The following ETFA variants were observed in gnomAD, a reference collection of about 807,000 sequenced individuals.
The protein encoded by ETFA is electron transfer flavoprotein subunit alpha.
ETFA carries 22 observed loss-of-function variants against 46.2 expected under a neutral mutation model. That is an observed-to-expected ratio of 0.48 (90% CI 0.34 to 0.68). ETFA has a LOEUF of 0.68. ETFA is among the 30% of genes least tolerant of loss of function. ETFA has a pLI of 0.01. For missense variants in ETFA, 345 were observed against 401.1 expected (o/e 0.86, Z 1.19); for synonymous variants, 131 against 139.9 (o/e 0.94, Z 0.45).
At chr15:76,239,969 C>A (rs1596194708) in intron 9 of ETFA, among the ~76,000 whole-genome samples, 1 of 152,108 alleles carries the variant, frequency 6.6e-6, no homozygotes, top group Non-Finnish European at 1.5e-5. Flanking sequence ...CTAATGCACA[C>A]CCACCACACA....
Position 76,275,100 on chromosome 15 carries a change from C to G in ETFA, c.734-606G>C, listed in dbSNP as rs548237018. Among the ~76,000 whole-genome samples, 113 of 152,196 alleles carry G rather than the reference C, an allele frequency of 7.4e-4. 1 individual carries two copies. The South Asian group carries it at 0.023, about 31-fold the overall frequency. Reference sequence around the variant, plus strand: ...CCTCACCACCACTATCTTGAGTCAGCCAGGACTAATCACACCCTGCCCTTC... The same window carrying G: ...CCTCACCACCACTATCTTGAGTCAGGCAGGACTAATCACACCCTGCCCTTC... On this transcript the variant is annotated intron_variant, in intron 8 of 11. Transcript: ENST00000557943.
At chr15:76,289,128 C>A (rs1313980188) in intron 4 of ETFA, among the ~76,000 whole-genome samples, 1 of 151,928 alleles carries the variant, frequency 6.6e-6, no homozygotes, top group Non-Finnish European at 1.5e-5. Context: ...GAAGCGGGGT[C>A]TTGCGTTGTT....
intron 8 of ETFA, among the ~76,000 whole-genome samples, chr15:76,279,653 T>C (rs2039628796): frequency 6.6e-6 from 1 of 152,134 alleles, no homozygotes. Context: ...TGGCCAACGA[T>C]GTCTAAGTGG....
At chr15:76,265,757 C>T (rs1329619890) in intron 9 of ETFA, among the ~76,000 whole-genome samples, 1 of 152,030 alleles carries the variant, frequency 6.6e-6, no homozygotes, top group Non-Finnish European at 1.5e-5. Flanking sequence ...TCCTATGGAT[C>T]AATATAGTGA....
chr15:76,253,862 G>A (rs919066966), intron 9 of ETFA, among the ~76,000 whole-genome samples: 2 of 152,334 alleles, frequency 1.3e-5, no homozygotes, highest in South Asian at 2.1e-4. Flanking sequence ...CACAAGTGAA[G>A]TAATGCATTC....
intron 9 of ETFA, chr15:76,259,743 C>T (rs748945511): frequency 3.2e-6 from 5 of 1,575,802 alleles, no homozygotes; most frequent in South Asian, 1.1e-5. Flanking sequence ...CAGTTCCGAG[C>T]GGCCAGGTCT....
intron 9 of ETFA, among the ~76,000 whole-genome samples, chr15:76,240,324 G>A (rs2039171989): frequency 2.6e-5 from 4 of 152,172 alleles, no homozygotes. Context: ...TGTAGTCAAA[G>A]ATTCTTTGAA....
chr15:76,279,054 G>A (rs1363573398), intron 8 of ETFA, among the ~76,000 whole-genome samples: 2 of 152,154 alleles, frequency 1.3e-5, no homozygotes, highest in Non-Finnish European at 2.9e-5. Context: ...AAGTCCCCCT[G>A]TTGGCCAGAC....
rs2039385884 is a variant in ETFA at position 76,259,816 on chromosome 15, G to T, written c.816+14596C>A. ...TGCAGGCAATGTCCACCATGAACCG[G>T]ATCAGGGTAAAGGGGTTCTCCCCAA... On this transcript the variant is annotated intron_variant, in intron 9 of 11. Transcript: ENST00000557943. The T allele has an allele frequency of 3.1e-6, 5 of 1,598,690 alleles. No homozygotes were observed. In the Admixed American group the frequency reaches 8.4e-5, roughly 27 times the overall value.
At chr15:76,292,848 T>C (rs916134717) in intron 2 of ETFA, 148 bp from the exon 3 acceptor site, 7 of 710,742 alleles carry the variant, frequency 9.8e-6, no homozygotes, top group African/African-American at 1.8e-5. Flanking sequence ...AGAATTAAAA[T>C]ATATTCCGGC....
intron 9 of ETFA, chr15:76,259,480 T>TG: frequency 1.2e-6 from 1 of 865,836 alleles, no homozygotes; most frequent in South Asian, 1.3e-5. Flanking sequence ...TTCCCGCCAA[T>TG]GAGGTAGTTG....
chr15:76,295,449 G>T, intron 2 of ETFA, 142 bp downstream of exon 2: 1 of 755,752 alleles, frequency 1.3e-6, no homozygotes, highest in Non-Finnish European at 2.4e-6. Flanking sequence ...TTTCACACAT[G>T]GTAATGGTTG....
intron 9 of ETFA, among the ~76,000 whole-genome samples, chr15:76,248,939 G>A (rs1389027265): frequency 6.6e-6 from 1 of 151,398 alleles, no homozygotes; most frequent in Non-Finnish European, 1.5e-5. Flanking sequence ...AGAAAAATGA[G>A]CAAATGGTAT....
chr15:76,295,936 C>CCTTTTTTTTTTTTTTTTTTTTTTT (rs2039816100), intron 1 of ETFA, among the ~76,000 whole-genome samples, 199 bp from the exon 2 acceptor site: 3 of 46,602 alleles, frequency 6.4e-5, no homozygotes, highest in African/African-American at 2.0e-4. Flanking sequence ...CACTAATATT[C>CCTTTTTTTTTTTTTTTTTTTTTTT]TTTTTTTTTT....
chr15:76,252,286 A>G (rs541059273), intron 9 of ETFA, among the ~76,000 whole-genome samples: 51 of 152,234 alleles, frequency 3.4e-4, no homozygotes, highest in African/African-American at 1.2e-3. Context: ...TTCACAGGTA[A>G]ACTTATTGTA....
At chr15:76,235,541 A>G (rs1217910176) in intron 9 of ETFA, among the ~76,000 whole-genome samples, 2 of 152,216 alleles carry the variant, frequency 1.3e-5, no homozygotes, top group African/African-American at 4.8e-5. Flanking sequence ...CATAATAGGA[A>G]AGAGTTGAGC....
chr15:76,274,725 T>C (rs1419530351), intron 8 of ETFA, among the ~76,000 whole-genome samples: 5 of 152,346 alleles, frequency 3.3e-5, no homozygotes, highest in East Asian at 3.9e-4. Context: ...ATTTACACTA[T>C]AATGTTTAGA....
intron 9 of ETFA, among the ~76,000 whole-genome samples, chr15:76,244,339 T>C (rs1173081859): frequency 1.3e-5 from 2 of 152,214 alleles, no homozygotes; most frequent in Non-Finnish European, 2.9e-5. Flanking sequence ...AAATTTACTA[T>C]ACAACCTAAG....
At chr15:76,231,125 T>A in intron 10 of ETFA, 2 of 541,062 alleles carry the variant, frequency 3.7e-6, no homozygotes, top group African/African-American at 1.9e-5. Context: ...ATAACTCAGG[T>A]TCAGGCCTCT....
Sources: gnomAD v4.1 joint callset for allele counts (sites outside exome capture counted in the v4.1 genomes callset) on GRCh38, gnomAD v4.1.1 for gene constraint, MANE v1.5 for transcripts, NCBI Gene and HGNC (gene_info 2026-07-23, HGNC 2026-07-21) for gene names.